SLC17A1: variants seen among roughly 807,000 people sequenced by gnomAD.
SLC17A1 encodes solute carrier family 17 member 1.
SLC17A1 carries 51 observed loss-of-function variants against 53.5 expected under a neutral mutation model. The observed-to-expected ratio is 0.95, with a 90% CI of 0.76 to 1.20. The LOEUF (loss-of-function observed/expected upper bound fraction) is 1.20, where lower values mean the gene tolerates loss of function less well. SLC17A1 is among the 50% of genes most tolerant of loss of function. The pLI is 0.00. For synonymous variants in SLC17A1, 179 were observed against 198.8 expected, an observed-to-expected ratio of 0.90 and a Z score of 0.84; for missense variants, 538 against 568.2, an observed-to-expected ratio of 0.95 and a Z score of 0.54.
At chr6:25,790,320 T>C (rs1763475227) in intron 12 of SLC17A1, among the ~76,000 whole-genome samples, 1 of 152,190 alleles carries the variant, frequency 6.6e-6, no homozygotes, top group South Asian at 2.1e-4. Flanking sequence ...TCCACAACAT[T>C]ATTCACTCGA....
chr6:25,727,008 A>G, the SLC17A1 span: 2 of 1,614,186 alleles, frequency 1.2e-6, no homozygotes, highest in Non-Finnish European at 1.7e-6. Flanking sequence ...GCGCAAGAGG[A>G]CCCGTAAGGA....
the SLC17A1 span, chr6:25,726,513 C>CA: frequency 6.2e-7 from 1 of 1,610,324 alleles, no homozygotes; most frequent in Non-Finnish European, 8.5e-7. Context: ...CTCCCTGCTT[C>CA]CCTCGTCCAG....
At chr6:25,761,492 C>T in the SLC17A1 span, among the ~76,000 whole-genome samples, 1 of 152,162 alleles carries the variant, frequency 6.6e-6, no homozygotes, top group African/African-American at 2.4e-5. Context: ...GTCTTTGCAG[C>T]TACGTAAAAG....
At chr6:25,795,144 A>G (rs968161421) in intron 12 of SLC17A1, among the ~76,000 whole-genome samples, 9 of 152,170 alleles carry the variant, frequency 5.9e-5, no homozygotes, top group African/African-American at 2.2e-4. Context: ...CCCCTCTGCC[A>G]CTTAGCCTAA....
chr6:25,822,381 CA>C (rs1176187045), intron 3 of SLC17A1, among the ~76,000 whole-genome samples: 1 of 152,142 alleles, frequency 6.6e-6, no homozygotes, highest in Non-Finnish European at 1.5e-5. Flanking sequence ...GTGTTCCTTC[CA>C]TAGCTATAAC....
chr6:25,824,717 G>A (rs1764683788), intron 3 of SLC17A1, among the ~76,000 whole-genome samples: 1 of 151,474 alleles, frequency 6.6e-6, no homozygotes, highest in Non-Finnish European at 1.5e-5. Context: ...CAAGAGAGGA[G>A]ATAAAATTCA....
chr6:25,827,541 C>A (rs945313707), intron 2 of SLC17A1, among the ~76,000 whole-genome samples: 1 of 152,072 alleles, frequency 6.6e-6, no homozygotes, highest in African/African-American at 2.4e-5. Flanking sequence ...ATCTATATGG[C>A]CCCCTCCATC....
chr6:25,726,242 T>G, the SLC17A1 span: 1 of 1,613,822 alleles, frequency 6.2e-7, no homozygotes, highest in Non-Finnish European at 8.5e-7. Flanking sequence ...CCCAAAAGCT[T>G]ATTGAGTTCC....
At chr6:25,783,797 C>CTT (rs748851816) in intron 12 of SLC17A1, among the ~76,000 whole-genome samples, 3 of 143,820 alleles carry the variant, frequency 2.1e-5, no homozygotes, top group African/African-American at 2.5e-5. Context: ...ACCACACACT[C>CTT]TTTTTTTTTT....
chr6:25,820,772 A>G (rs1363018266), intron 3 of SLC17A1, among the ~76,000 whole-genome samples: 1 of 151,624 alleles, frequency 6.6e-6, no homozygotes, highest in Non-Finnish European at 1.5e-5. Flanking sequence ...GGTTGCAGGC[A>G]CCTGTAGTCC....
intron 10 of SLC17A1, among the ~76,000 whole-genome samples, chr6:25,801,976 G>A (rs1359254881): frequency 1.3e-5 from 2 of 152,112 alleles, no homozygotes; most frequent in Non-Finnish European, 1.5e-5. Flanking sequence ...GTAGAGCTTG[G>A]AATGGAAACT....
At chr6:25,779,383 G>A (rs1184495087), downstream of SLC17A1, 1 of 619,190 alleles carries the variant, frequency 1.6e-6, no homozygotes, top group Non-Finnish European at 2.7e-6. Context: ...GCTACTAAAA[G>A]CATAGGTGTG....
chr6:25,743,403 C>A, the SLC17A1 span, among the ~76,000 whole-genome samples: 1 of 152,034 alleles, frequency 6.6e-6, no homozygotes, highest in African/African-American at 2.4e-5. Context: ...TTATGAGATG[C>A]CTTCTATTTT....
At chr6:25,820,618 C>T (rs187159336) in intron 3 of SLC17A1, among the ~76,000 whole-genome samples, 3 of 152,194 alleles carry the variant, frequency 2.0e-5, no homozygotes, top group African/African-American at 2.4e-5. Context: ...CGGTGGCTCA[C>T]GCCTGTAATC....
the SLC17A1 span, among the ~76,000 whole-genome samples, chr6:25,728,712 G>A: frequency 6.6e-6 from 1 of 152,190 alleles, no homozygotes. Context: ...TACTTGGGAG[G>A]CTGAGGCAGG....
chr6:25,826,507 T>A lies in SLC17A1; in HGVS notation c.161A>T (p.His54Leu). 6.2e-7 allele frequency: 1 copy of A among 1,611,828 alleles called. No individual in the cohort carries two copies. ...MVVMVNSTDP[H>L]GLPNTSTKKL... ...CTTTGTGGAGGTGTTGGGCAAACCA[T>A]GTGGATCTGTGCTATTCACCATGAC... is the stretch of plus-strand genomic sequence containing the variant. Residue 54 changes from histidine to leucine, a missense_variant, in exon 3 of 13, where the codon CAT becomes CTT. Physicochemically the swap from His to Leu is moderately conservative, Grantham distance 99 (BLOSUM62 -3). Transcript: ENST00000244527.
the SLC17A1 span, among the ~76,000 whole-genome samples, chr6:25,724,379 C>T: frequency 1.3e-5 from 2 of 152,140 alleles, no homozygotes; most frequent in East Asian, 3.9e-4. Flanking sequence ...GCCGAGATCA[C>T]GCCACTGCAC....
At chr6:25,828,490 G>A (rs972908782) in intron 2 of SLC17A1, among the ~76,000 whole-genome samples, 3 of 151,812 alleles carry the variant, frequency 2.0e-5, no homozygotes, top group Admixed American at 1.3e-4. Context: ...TAATTTGTGT[G>A]GAGTGACATG....
intron 12 of SLC17A1, chr6:25,798,440 C>T (rs1763652211): frequency 5.3e-6 from 1 of 187,410 alleles, no homozygotes; most frequent in Admixed American, 6.1e-5. Flanking sequence ...TAGCACTTGC[C>T]AAAGGTCCTT....
Sources: gnomAD v4.1 joint callset for allele counts (sites outside exome capture counted in the v4.1 genomes callset) on GRCh38, gnomAD v4.1.1 for gene constraint, MANE v1.5 for transcripts, NCBI Gene and HGNC (gene_info 2026-07-23, HGNC 2026-07-21) for gene names.